BLVRB: variants seen among roughly 807,000 people sequenced by gnomAD.
BLVRB encodes biliverdin reductase B.
BLVRB carries 25 observed loss-of-function variants against 21.1 expected under a neutral mutation model. The ratio of observed to expected loss-of-function variants is 1.19; its 90% CI spans 0.86 to 1.66. The LOEUF is 1.66. Ranked by LOEUF, BLVRB falls within the 40% of genes most tolerant of loss-of-function variation. The pLI is 0.00. For missense variants in BLVRB, 274 were observed against 282.7 expected (o/e 0.97, Z 0.22); for synonymous variants, 128 against 122.2 (o/e 1.05, Z -0.31).
intron 3 of BLVRB, among the ~76,000 whole-genome samples, chr19:40,456,830 AC>A (rs2079764169): frequency 6.6e-6 from 1 of 151,884 alleles, no homozygotes; most frequent in Non-Finnish European, 1.5e-5. Context: ...GGTCCCAGGC[AC>A]CATGAACCCG....
chr19:40,448,462 G>C (rs1272390598), intron 4 of BLVRB, among the ~76,000 whole-genome samples: 1 of 151,726 alleles, frequency 6.6e-6, no homozygotes, highest in African/African-American at 2.4e-5. Context: ...GCAGTGGCAT[G>C]CCCCTGTAGT....
chr19:40,454,662 C>T (rs2079755073), intron 3 of BLVRB, among the ~76,000 whole-genome samples: 1 of 151,772 alleles, frequency 6.6e-6, no homozygotes, highest in Non-Finnish European at 1.5e-5. Flanking sequence ...TCTCCTGCCT[C>T]AGCCTCCCGA....
intron 1 of BLVRB, among the ~76,000 whole-genome samples, chr19:40,459,666 G>T (rs1397758776): frequency 1.3e-5 from 2 of 152,074 alleles, no homozygotes; most frequent in South Asian, 4.1e-4. Flanking sequence ...CGCCTCCCAA[G>T]TTCAAGCGAT....
intron 1 of BLVRB, among the ~76,000 whole-genome samples, chr19:40,461,561 G>A (rs2079787812): frequency 6.6e-6 from 1 of 150,450 alleles, no homozygotes; most frequent in Non-Finnish European, 1.5e-5. Flanking sequence ...GTGCAGTGGT[G>A]CAGTCTCGGC....
intron 4 of BLVRB, among the ~76,000 whole-genome samples, chr19:40,448,642 T>TATATATATA (rs2079725822): frequency 7.6e-6 from 1 of 131,134 alleles, no homozygotes; most frequent in Non-Finnish European, 1.6e-5. Flanking sequence ...TATATATATA[T>TATATATATA]ATTTGTCAGA....
intron 4 of BLVRB, among the ~76,000 whole-genome samples, chr19:40,448,849 C>T (rs976815984): frequency 5.9e-5 from 9 of 151,666 alleles, no homozygotes; most frequent in Admixed American, 3.3e-4. Flanking sequence ...CTCAGCACTT[C>T]GGGAGGCCAA....
intron 1 of BLVRB, among the ~76,000 whole-genome samples, chr19:40,461,522 C>T (rs1454204548): frequency 1.5e-4 from 22 of 145,422 alleles, no homozygotes; most frequent in Admixed American, 1.1e-3. Context: ...TTTTCTGAGA[C>T]GGAGTCTCGC....
chr19:40,450,049 T>G (rs1179762421), intron 4 of BLVRB, among the ~76,000 whole-genome samples: 3 of 147,622 alleles, frequency 2.0e-5, no homozygotes, highest in African/African-American at 5.0e-5. Flanking sequence ...AATACAAAAA[T>G]TAGCTGGGCG....
chr19:40,454,659 C>T (rs937507853), intron 3 of BLVRB, among the ~76,000 whole-genome samples: 2 of 151,972 alleles, frequency 1.3e-5, no homozygotes, highest in African/African-American at 2.4e-5. Flanking sequence ...CATTCTCCTG[C>T]CTCAGCCTCC....
chr19:40,447,983 A>G lies in BLVRB; in HGVS notation c.527T>C (p.Ile176Thr). The G allele has an allele frequency of 9.9e-6, 16 of 1,613,998 alleles. No individual in the cohort carries two copies. Among genetic ancestry groups the G allele is most frequent in the Non-Finnish European group, 1.4e-5 (16 of 1,179,994 alleles). Reference sequence around the variant, plus strand: ...GAAATGGCCCAGGTCATGTTTGGAGATGACCCTTGAGGGCCCTCGTCCATC... The same window carrying G: ...GAAATGGCCCAGGTCATGTTTGGAGGTGACCCTTGAGGGCCCTCGTCCATC... The part of the protein sequence containing the change: ...TLDGRGPSRV[I>T]SKHDLGHFML... Residue 176 changes from isoleucine (I) to threonine (T), a missense_variant, in exon 5 of 5, where the codon ATC becomes ACC. By Grantham distance (89) the Ile-to-Thr change is moderately conservative (BLOSUM62 -1). Coordinates refer to ENST00000263368, the MANE Select transcript of BLVRB (RefSeq NM_000713.3).
chr19:40,449,435 G>A (rs984294245), intron 4 of BLVRB, among the ~76,000 whole-genome samples: 15 of 151,894 alleles, frequency 9.9e-5, no homozygotes, highest in South Asian at 4.2e-4. Flanking sequence ...TAGTAGAGAC[G>A]GGGTCTCACC....
intron 3 of BLVRB, among the ~76,000 whole-genome samples, chr19:40,452,885 C>CAAAA (rs2079746162): frequency 1.1e-5 from 1 of 94,518 alleles, no homozygotes; most frequent in Non-Finnish European, 2.0e-5. Flanking sequence ...CAGAACAAAA[C>CAAAA]AAAACAAAAC....
chr19:40,462,303 A>G (rs1268048789), intron 1 of BLVRB, among the ~76,000 whole-genome samples: 1 of 143,210 alleles, frequency 7.0e-6, no homozygotes, highest in Non-Finnish European at 1.5e-5. Flanking sequence ...TTTTGAGATG[A>G]AGTCTCACTC....
At chr19:40,462,246 C>A (rs1396054062) in intron 1 of BLVRB, among the ~76,000 whole-genome samples, 1 of 151,618 alleles carries the variant, frequency 6.6e-6, no homozygotes, top group East Asian at 1.9e-4. Context: ...CATGGGGGAG[C>A]AGCAGGGGCT....
At chr19:40,454,475 G>A (rs2079753791) in intron 3 of BLVRB, among the ~76,000 whole-genome samples, 3 of 151,972 alleles carry the variant, frequency 2.0e-5, no homozygotes, top group Admixed American at 2.0e-4. Context: ...AGAGTGTGAA[G>A]TGGGTTTTTG....
intron 3 of BLVRB, among the ~76,000 whole-genome samples, chr19:40,451,771 G>T (rs1291626399): frequency 6.6e-6 from 1 of 152,052 alleles, no homozygotes; most frequent in Non-Finnish European, 1.5e-5. Context: ...GACCTCAGGT[G>T]ATCCACCCTC....
intron 1 of BLVRB, among the ~76,000 whole-genome samples, chr19:40,460,269 T>TATATATATATATAC (rs1281133813): frequency 2.1e-5 from 3 of 140,694 alleles, no homozygotes; most frequent in African/African-American, 8.4e-5. Flanking sequence ...TATATATATA[T>TATATATATATATAC]ATATATTTAG....
Position 40,458,491 on chromosome 19 carries a change from G to T in BLVRB, c.134C>A (p.Pro45His), listed in dbSNP as rs2079772659. The change falls in exon 2 of 5, where the codon CCC becomes CAC. Residue 45 changes from proline to histidine, a missense_variant. Pro to His is a moderately conservative substitution (Grantham distance 77, BLOSUM62 -2). Transcript: ENST00000263368. ...RDSSRLPSEG[P>H]RPAHVVVGDV... ...TCCCACTACCACGTGGGCCGGCCGG[G>T]GCCCCTCTGATGGCAGCCTGGAGGA... 6.2e-7 allele frequency: 1 copy of T among 1,610,882 alleles called. No individual in the cohort carries two copies. The highest frequency in any genetic ancestry group is 1.3e-5 in the African/African-American group (1 of 74,872).
intron 3 of BLVRB, among the ~76,000 whole-genome samples, chr19:40,457,080 T>A (rs2079764994): frequency 6.9e-6 from 1 of 144,276 alleles, no homozygotes; most frequent in Non-Finnish European, 1.5e-5. Context: ...GAGGCTGCAG[T>A]GGGGAGGATC....
Sources: gnomAD v4.1 joint callset for allele counts (sites outside exome capture counted in the v4.1 genomes callset) on GRCh38, gnomAD v4.1.1 for gene constraint, MANE v1.5 for transcripts, NCBI Gene and HGNC (gene_info 2026-07-23, HGNC 2026-07-21) for gene names.